CPLX2: variants seen among roughly 807,000 people sequenced by gnomAD.
The protein encoded by CPLX2 is complexin-2.
Under a neutral mutation model 16.3 loss-of-function variants are expected in CPLX2, and 5 were observed. The ratio of observed to expected loss-of-function variants is 0.31; its 90% CI spans 0.16 to 0.64. CPLX2 has a LOEUF of 0.64. Among genes scored for constraint, CPLX2 ranks in the 30% least tolerant of loss-of-function variants. CPLX2 has a pLI of 0.79. For synonymous variants in CPLX2, 89 were observed against 73.2 expected (o/e 1.22, Z -1.10); for missense variants, 144 against 181.4 (o/e 0.79, Z 1.18).
intron 1 of CPLX2, among the ~76,000 whole-genome samples, chr5:175,874,768 A>G (rs1238422622): frequency 1.3e-5 from 2 of 152,116 alleles, no homozygotes; most frequent in African/African-American, 2.4e-5. Flanking sequence ...GCACTAAACC[A>G]ATAGGGGTGG....
intron 2 of CPLX2, among the ~76,000 whole-genome samples, chr5:175,846,300 G>A (rs563559973): frequency 6.6e-6 from 1 of 152,226 alleles, no homozygotes; most frequent in Admixed American, 6.5e-5. Context: ...GGTCAGCCCC[G>A]CAGTAGGATG....
rs1755474479 is a variant in CPLX2 at position 175,878,703 on chromosome 5, T to A, written c.-37T>A. ...AGCCAGGAGCGCTGCATGCAAATTC[T>A]GCCGTGGGCTAAGGCACGCTAACCA... On this transcript the variant is annotated 5_prime_UTR_variant, in exon 2 of 4. Coordinates refer to ENST00000393745, the MANE Select transcript of CPLX2 (RefSeq NM_001008220.2). 1 of 1,610,234 alleles carries A rather than the reference T, an allele frequency of 6.2e-7. No homozygotes were observed. The highest frequency in any genetic ancestry group is 1.3e-5 in the African/African-American group (1 of 74,938).
intron 1 of CPLX2, among the ~76,000 whole-genome samples, chr5:175,801,586 G>T (rs1041202012): frequency 3.3e-5 from 5 of 152,212 alleles, no homozygotes; most frequent in Non-Finnish European, 7.3e-5. Context: ...GTTTAGGCAA[G>T]TTGTTTACCC....
intron 2 of CPLX2, among the ~76,000 whole-genome samples, chr5:175,863,694 A>G (rs1255401785): frequency 6.6e-6 from 1 of 152,002 alleles, no homozygotes; most frequent in Non-Finnish European, 1.5e-5. Context: ...TTTTTTTGCC[A>G]GGAAGAAACA....
At chr5:175,796,711 G>C (rs917303767) in exon 1 of CPLX2, 3 of 152,304 alleles carry the variant, frequency 2.0e-5, no homozygotes, top group Non-Finnish European at 4.4e-5. Context: ...CAAGGAAGAG[G>C]GGGAGGGAGA....
intron 1 of CPLX2, among the ~76,000 whole-genome samples, chr5:175,806,566 C>T (rs186680994): frequency 3.6e-4 from 55 of 152,298 alleles, no homozygotes; most frequent in African/African-American, 1.3e-3. Context: ...TCTTGGCTCA[C>T]CGCAACCTCT....
chr5:175,878,389 A>G (rs531457225), intron 1 of CPLX2: 1 of 344,188 alleles, frequency 2.9e-6, no homozygotes, highest in South Asian at 5.9e-5. Context: ...TCCTGGCTTC[A>G]ATCAAATCTG....
chr5:175,802,013 C>G (rs187269367), intron 1 of CPLX2, among the ~76,000 whole-genome samples: 1 of 152,202 alleles, frequency 6.6e-6, no homozygotes, highest in African/African-American at 2.4e-5. Context: ...AGCTCCTCCA[C>G]TGAGTTAACA....
At chr5:175,852,246 A>G (rs552954291) in intron 2 of CPLX2, among the ~76,000 whole-genome samples, 3 of 152,244 alleles carry the variant, frequency 2.0e-5, no homozygotes, top group Non-Finnish European at 4.4e-5. Context: ...AACTTTACCA[A>G]TGACAAAGTA....
chr5:175,846,507 T>G (rs539382187), intron 2 of CPLX2, among the ~76,000 whole-genome samples: 1 of 152,314 alleles, frequency 6.6e-6, no homozygotes, highest in Non-Finnish European at 1.5e-5. Flanking sequence ...TTTGGGATGC[T>G]GGACATTTAT....
chr5:175,876,575 T>G (rs1401391253), intron 1 of CPLX2, among the ~76,000 whole-genome samples: 1 of 152,184 alleles, frequency 6.6e-6, no homozygotes, highest in African/African-American at 2.4e-5. Context: ...TGCTGCAGAC[T>G]GCTTCAACAG....
At chr5:175,864,629 G>A (rs532577397) in intron 2 of CPLX2, among the ~76,000 whole-genome samples, 7 of 152,290 alleles carry the variant, frequency 4.6e-5, no homozygotes, top group African/African-American at 1.7e-4. Context: ...ACTGTGGAAC[G>A]AAGTGGGGGA....
chr5:175,807,506 G>T (rs1182713320), intron 1 of CPLX2, among the ~76,000 whole-genome samples: 1 of 152,222 alleles, frequency 6.6e-6, no homozygotes, highest in Non-Finnish European at 1.5e-5. Flanking sequence ...GCAGCCCACA[G>T]GCGCCTACCC....
chr5:175,820,210 A>T (rs1012021452), intron 2 of CPLX2, among the ~76,000 whole-genome samples: 9 of 152,138 alleles, frequency 5.9e-5, no homozygotes, highest in African/African-American at 2.2e-4. Context: ...TGTTTCAATA[A>T]TCCCTTCCTC....
chr5:175,855,514 C>A (rs1410925499), intron 2 of CPLX2, among the ~76,000 whole-genome samples: 1 of 152,176 alleles, frequency 6.6e-6, no homozygotes, highest in African/African-American at 2.4e-5. Context: ...AAGGGTAGAT[C>A]TCTGGATTTC....
chr5:175,828,986 C>A (rs1034123608), intron 2 of CPLX2, among the ~76,000 whole-genome samples: 11 of 152,140 alleles, frequency 7.2e-5, no homozygotes, highest in Admixed American at 7.2e-4. Context: ...CAGACGCACT[C>A]CCCGCAAACA....
At chr5:175,851,893 G>T (rs1316597512) in intron 2 of CPLX2, among the ~76,000 whole-genome samples, 2 of 152,232 alleles carry the variant, frequency 1.3e-5, no homozygotes, top group African/African-American at 4.8e-5. Flanking sequence ...ATTTTGACAA[G>T]CCTGCCACAG....
intron 1 of CPLX2, among the ~76,000 whole-genome samples, chr5:175,807,516 C>T (rs1030204535): frequency 3.9e-5 from 6 of 152,236 alleles, no homozygotes; most frequent in Admixed American, 1.3e-4. Context: ...GGCGCCTACC[C>T]TTTCTCCCTC....
intron 2 of CPLX2, among the ~76,000 whole-genome samples, chr5:175,862,154 C>T (rs1441740950): frequency 6.6e-6 from 1 of 152,182 alleles, no homozygotes; most frequent in Non-Finnish European, 1.5e-5. Flanking sequence ...CCATGTATCC[C>T]CAGCAACAAG....
Sources: allele counts gnomAD v4.1 joint callset (sites outside exome capture counted in the v4.1 genomes callset), GRCh38; gene constraint gnomAD v4.1.1; transcripts MANE v1.5; gene names NCBI Gene and HGNC (gene_info 2026-07-23, HGNC 2026-07-21).